The following NCOA7 variants were observed in gnomAD, a reference collection of about 807,000 sequenced individuals.
NCOA7 encodes nuclear receptor coactivator 7.
Under a neutral mutation model 104.3 loss-of-function variants are expected in NCOA7, and 45 were observed. That is an observed-to-expected ratio of 0.43 (90% CI 0.34 to 0.55). The LOEUF (loss-of-function observed/expected upper bound fraction) is 0.55. Among genes scored for constraint, NCOA7 ranks in the 20% least tolerant of loss-of-function variants. The probability of loss-of-function intolerance (pLI) is 0.02; values close to 1 mark genes in which losing one functional copy is unlikely to be tolerated. For missense variants in NCOA7, 1,041 were observed against 1,119.7 expected (o/e 0.93, Z 1.00); for synonymous variants, 398 against 402.3 (o/e 0.99, Z 0.13).
intron 6 of NCOA7, 78 bp from the exon 7 acceptor site, chr6:125,882,348 T>A: frequency 1.4e-6 from 2 of 1,460,588 alleles, no homozygotes; most frequent in South Asian, 2.5e-5. Context: ...TCACAGGGAA[T>A]TTATGGGGCT....
At chr6:125,910,330 C>T (rs1786414541) in intron 10 of NCOA7, among the ~76,000 whole-genome samples, 1 of 152,166 alleles carries the variant, frequency 6.6e-6, no homozygotes, top group Non-Finnish European at 1.5e-5. Flanking sequence ...ACCACTTATG[C>T]CCATACATTT....
intron 2 of NCOA7, among the ~76,000 whole-genome samples, chr6:125,829,404 T>C (rs1778950581): frequency 6.6e-6 from 1 of 152,248 alleles, no homozygotes; most frequent in Non-Finnish European, 1.5e-5. Flanking sequence ...AGTGTATTAG[T>C]ATAGTTATCC....
At chr6:125,812,335 C>G (rs142536947) in intron 1 of NCOA7, among the ~76,000 whole-genome samples, 1 of 152,292 alleles carries the variant, frequency 6.6e-6, no homozygotes, top group East Asian at 1.9e-4. Context: ...AACTTCACAT[C>G]TTTTGGATTC....
At chr6:125,805,939 C>T (rs1776407377) in intron 1 of NCOA7, among the ~76,000 whole-genome samples, 1 of 152,144 alleles carries the variant, frequency 6.6e-6, no homozygotes, top group Non-Finnish European at 1.5e-5. Flanking sequence ...TGTAACAGCC[C>T]TTTTGCAGAT....
chr6:125,833,019 T>C (rs1779314714), intron 2 of NCOA7, among the ~76,000 whole-genome samples: 2 of 152,248 alleles, frequency 1.3e-5, no homozygotes, highest in African/African-American at 4.8e-5. Context: ...TTGCATATTA[T>C]GTAAGTTATT....
At chr6:125,860,735 G>A (rs1475849122) in intron 3 of NCOA7, among the ~76,000 whole-genome samples, 4 of 152,208 alleles carry the variant, frequency 2.6e-5, no homozygotes, top group African/African-American at 9.6e-5. Flanking sequence ...GATAGAAATG[G>A]AAATTTTACA....
rs768609323 is a variant in NCOA7 at position 125,889,698 on chromosome 6, A to G, written c.1644A>G (p.Gly548=). 1.9e-6 allele frequency: 3 copies of G among 1,613,980 alleles called. No individual in the cohort carries two copies. The highest frequency in any genetic ancestry group is 2.7e-5 in the African/African-American group (2 of 74,944). ...TGCAGAAAACAGAATTAAGTGATGGAAAAAGTATTGAACCAGGGGGAATAG... is the reference window on the plus strand; with the variant it reads ...TGCAGAAAACAGAATTAAGTGATGGGAAAAGTATTGAACCAGGGGGAATAG... ...ENLQKTELSD[G]KSIEPGGIDI... is the part of the protein sequence containing the mutation. Residue 548 remains glycine (G), a synonymous_variant, in exon 9 of 16, where the codon GGA becomes GGG. Transcript: ENST00000392477.
intron 2 of NCOA7, among the ~76,000 whole-genome samples, chr6:125,849,732 T>G (rs1174961199): frequency 6.6e-6 from 1 of 152,254 alleles, no homozygotes. Context: ...AAGTCTTGAC[T>G]ACAATTTAAA....
chr6:125,820,368 T>C (rs946877487), intron 2 of NCOA7, among the ~76,000 whole-genome samples: 1 of 152,230 alleles, frequency 6.6e-6, no homozygotes, highest in African/African-American at 2.4e-5. Flanking sequence ...AGTTGTTAAA[T>C]GTTGCTAAAA....
At chr6:125,917,518 C>A (rs1268440639) in intron 11 of NCOA7, among the ~76,000 whole-genome samples, 1 of 152,196 alleles carries the variant, frequency 6.6e-6, no homozygotes, top group Non-Finnish European at 1.5e-5. Context: ...CCAGGTCACC[C>A]CAACCTCCTT....
At chr6:125,854,445 G>A (rs1225416035) in intron 2 of NCOA7, among the ~76,000 whole-genome samples, 1 of 152,150 alleles carries the variant, frequency 6.6e-6, no homozygotes, top group Non-Finnish European at 1.5e-5. Flanking sequence ...ATCATGTATT[G>A]TCATTATGGC....
At chr6:125,915,789 T>C (rs763632625) in intron 11 of NCOA7, among the ~76,000 whole-genome samples, 1 of 152,136 alleles carries the variant, frequency 6.6e-6, no homozygotes, top group Non-Finnish European at 1.5e-5. Flanking sequence ...TAAATATATT[T>C]GGCTTTGTAG....
At chr6:125,835,159 C>A (rs968643495) in intron 2 of NCOA7, among the ~76,000 whole-genome samples, 7 of 152,162 alleles carry the variant, frequency 4.6e-5, no homozygotes, top group Non-Finnish European at 1.0e-4. Context: ...AATAATGCAG[C>A]CTTGATAGGC....
upstream of NCOA7, among the ~76,000 whole-genome samples, chr6:125,789,984 A>C (rs188301839): frequency 8.9e-4 from 136 of 152,302 alleles, 1 homozygote; most frequent in Middle Eastern, 6.8e-3. Context: ...ACAGCACCCA[A>C]CTGGGGATGG....
Position 125,921,073 on chromosome 6 carries a change from G to A in NCOA7, c.2370+5G>A, listed in dbSNP as rs774852452. On this transcript the variant is annotated splice_donor_5th_base_variant and intron_variant, in intron 12 of 15. Transcript: ENST00000392477. ...GAGAATATGCACATCGAGCAGGTGG[G>A]CTCGCCCTGGCCACCAAGGGTGGGG... The A allele has an allele frequency of 1.2e-6, 2 of 1,611,102 alleles. No individual in the cohort carries two copies. The highest frequency in any genetic ancestry group is 1.7e-6 in the Non-Finnish European group (2 of 1,178,322).
At chr6:125,817,690 G>A (rs547802358) in intron 2 of NCOA7, among the ~76,000 whole-genome samples, 8 of 152,068 alleles carry the variant, frequency 5.3e-5, no homozygotes, top group East Asian at 1.9e-4. Context: ...ATTTTCTCCC[G>A]GACTGTAGTT....
chr6:125,911,173 A>T lies in NCOA7; in HGVS notation c.2097-4160A>T, dbSNP rs190571035. The stretch of plus-strand genomic sequence containing the variant: ...GGAGGTCAAAAGAGCACATTGCGTT[A>T]AGCACATGATTTACAGCTGTGATGT... On this transcript the variant is annotated intron_variant, in intron 10 of 15. Coordinates refer to ENST00000392477, the MANE Select transcript of NCOA7 (RefSeq NM_181782.5). 3.3e-5 allele frequency among the ~76,000 whole-genome samples: 5 copies of T among 152,378 alleles called. No individual in the cohort carries two copies. The East Asian group carries it at 9.6e-4, about 29-fold the overall frequency.
intron 1 of NCOA7, among the ~76,000 whole-genome samples, chr6:125,795,536 C>T (rs981955705): frequency 1.5e-4 from 23 of 152,146 alleles, no homozygotes; most frequent in African/African-American, 5.6e-4. Flanking sequence ...TGCTCATTTT[C>T]TCTCCTAACC....
intron 2 of NCOA7, among the ~76,000 whole-genome samples, chr6:125,852,691 A>G (rs998313530): frequency 6.6e-6 from 1 of 151,954 alleles, no homozygotes; most frequent in African/African-American, 2.4e-5. Context: ...ATGTTTTTGT[A>G]TGCTCTGTCG....
Sources: allele counts gnomAD v4.1 joint callset (sites outside exome capture counted in the v4.1 genomes callset), GRCh38; gene constraint gnomAD v4.1.1; transcripts MANE v1.5; gene names NCBI Gene and HGNC (gene_info 2026-07-23, HGNC 2026-07-21).